Variants in RASAL2 observed in about 807,000 individuals in gnomAD.
The protein encoded by RASAL2 is RAS protein activator like 2.
A neutral mutation model predicts 128.9 loss-of-function variants in RASAL2; 58 were observed. The ratio of observed to expected loss-of-function variants is 0.45; its 90% CI spans 0.36 to 0.56. The LOEUF (loss-of-function observed/expected upper bound fraction) is 0.56. Ranked by LOEUF, RASAL2 falls within the 20% of genes least tolerant of loss-of-function variation. The pLI, the probability that RASAL2 is intolerant of heterozygous loss-of-function variation, is 0.00. For synonymous variants in RASAL2, 561 were observed against 580.8 expected, an observed-to-expected ratio of 0.97 and a Z score of 0.49; for missense variants, 1,360 against 1,601.6, an observed-to-expected ratio of 0.85 and a Z score of 2.57.
intron 1 of RASAL2, among the ~76,000 whole-genome samples, chr1:178,205,966 C>T (rs1316588375): frequency 6.6e-6 from 1 of 152,112 alleles, no homozygotes; most frequent in Non-Finnish European, 1.5e-5. Flanking sequence ...ACATTACGGA[C>T]CATCCTCTCC....
chr1:178,195,346 A>G (rs895280140), intron 1 of RASAL2, among the ~76,000 whole-genome samples: 5 of 152,218 alleles, frequency 3.3e-5, no homozygotes, highest in Admixed American at 1.3e-4. Context: ...TTGAATAGCT[A>G]ATTGTTAGTG....
intron 11 of RASAL2, among the ~76,000 whole-genome samples, chr1:178,453,398 G>GA (rs199535493): frequency 1.7e-3 from 238 of 136,324 alleles, no homozygotes; most frequent in Middle Eastern, 3.7e-3. Context: ...GTTCCAGAAA[G>GA]AAAAAAAAAA....
chr1:178,373,888 A>G (rs567166045), intron 3 of RASAL2, among the ~76,000 whole-genome samples: 30 of 152,216 alleles, frequency 2.0e-4, no homozygotes, highest in South Asian at 1.2e-3. Context: ...AAAAAAACGC[A>G]AATTTCCATA....
At chr1:178,363,849 C>T (rs1245236341) in intron 3 of RASAL2, among the ~76,000 whole-genome samples, 1 of 152,162 alleles carries the variant, frequency 6.6e-6, no homozygotes, top group Non-Finnish European at 1.5e-5. Flanking sequence ...GTAATCCCAG[C>T]ACTTTGGGAG....
chr1:178,328,299 A>G (rs950216349), intron 3 of RASAL2, among the ~76,000 whole-genome samples: 2 of 152,168 alleles, frequency 1.3e-5, no homozygotes, highest in African/African-American at 2.4e-5. Context: ...GTAGGTGTAT[A>G]TATTTATGGG....
chr1:178,437,736 G>A (rs1295961582), intron 5 of RASAL2, among the ~76,000 whole-genome samples: 1 of 151,850 alleles, frequency 6.6e-6, no homozygotes, highest in Non-Finnish European at 1.5e-5. Context: ...TAGCATATTG[G>A]GAAAGATTAT....
chr1:178,144,872 G>C (rs1362402942), intron 1 of RASAL2, among the ~76,000 whole-genome samples: 2 of 152,118 alleles, frequency 1.3e-5, no homozygotes, highest in Non-Finnish European at 2.9e-5. Flanking sequence ...AAAATTTAGT[G>C]CTTCTTCACA....
At chr1:178,111,385 G>A (rs539121900) in intron 1 of RASAL2, among the ~76,000 whole-genome samples, 3 of 151,994 alleles carry the variant, frequency 2.0e-5, no homozygotes, top group African/African-American at 7.2e-5. Context: ...CTAGGATTAC[G>A]TGCATGAGCC....
intron 1 of RASAL2, among the ~76,000 whole-genome samples, chr1:178,272,144 T>C (rs1408491788): frequency 6.6e-6 from 1 of 152,226 alleles, no homozygotes; most frequent in Non-Finnish European, 1.5e-5. Context: ...ATTAAGTTGA[T>C]GTTCCACAAG....
At chr1:178,443,345 CAAG>C (rs1676800614) in intron 8 of RASAL2, 116 bp downstream of exon 8, 4 of 964,136 alleles carry the variant, frequency 4.1e-6, no homozygotes, top group Admixed American at 3.0e-5. Flanking sequence ...TTGGTCAAAA[CAAG>C]AAGAATTAAG....
At chr1:178,151,755 G>C (rs1660922265) in intron 1 of RASAL2, among the ~76,000 whole-genome samples, 1 of 152,212 alleles carries the variant, frequency 6.6e-6, no homozygotes, top group African/African-American at 2.4e-5. Context: ...GGATGGTGAT[G>C]ATTTGTGCTT....
chr1:178,421,374 G>A (rs913818158), intron 5 of RASAL2, among the ~76,000 whole-genome samples: 1 of 152,008 alleles, frequency 6.6e-6, no homozygotes, highest in Non-Finnish European at 1.5e-5. Flanking sequence ...TCTCGATAAT[G>A]TTCAAAATTT....
intron 17 of RASAL2, chr1:178,470,623 CT>C (rs1413474787): frequency 1.6e-6 from 2 of 1,238,764 alleles, no homozygotes; most frequent in Non-Finnish European, 2.2e-6. Context: ...GAAGGGCTTC[CT>C]CCTATGAGAA....
Position 178,399,374 on chromosome 1 carries a change from C to T in RASAL2, c.564+9168C>T, listed in dbSNP as rs558962207. Among the ~76,000 whole-genome samples, 707 of 100,092 alleles carry T rather than the reference C, an allele frequency of 7.1e-3. 6 individuals carry two copies. The highest frequency in any genetic ancestry group is 0.022 in the African/African-American group (579 of 26,352). 65.7% of individuals were successfully genotyped at this position (100,092 alleles called of 152,430 possible). A position where few individuals can be genotyped will look rare whatever the true frequency, so the allele number is the denominator to read the frequency against. On this transcript the variant is annotated intron_variant, in intron 4 of 17. Transcript: ENST00000367649. Reference sequence around the variant, plus strand: ...GAAACCACAACTGTGTTTGGGTGGGCGGGGGAGGGGCAGGGGAGTGAAGGG... The same window carrying T: ...GAAACCACAACTGTGTTTGGGTGGGTGGGGGAGGGGCAGGGGAGTGAAGGG...
At chr1:178,408,577 G>GT (rs1286002162) in intron 4 of RASAL2, among the ~76,000 whole-genome samples, 8 of 144,778 alleles carry the variant, frequency 5.5e-5, no homozygotes, top group Admixed American at 2.0e-4. Context: ...TGTTTTTTAG[G>GT]TTTTTTGTTG....
Position 178,442,852 on chromosome 1 carries a change from C to T in RASAL2, c.1105C>T (p.Leu369Phe). ...GGGCGAACATTTTGAATTCTTCAGC[C>T]TTCCACCTCTTCATAGTATCACAGT... Reference protein sequence around the residue: ...FWGEHFEFFSLPPLHSITVHI... With the variant: ...FWGEHFEFFSFPPLHSITVHI... Residue 369 changes from leucine (L) to phenylalanine (F), a missense_variant, in exon 8 of 18, where the codon CTT becomes TTT. Around this residue, in one of 3 missense-constraint regions of RASAL2, gnomAD observed 617 missense variants for 714.2 expected, o/e 0.86. Transcript: ENST00000367649. The T allele has an allele frequency of 6.2e-7, 1 of 1,613,930 alleles. No homozygotes were observed. Among genetic ancestry groups the T allele is most frequent in the Non-Finnish European group, 8.5e-7 (1 of 1,179,932 alleles).
At chr1:178,177,297 G>A (rs1295747207) in intron 1 of RASAL2, among the ~76,000 whole-genome samples, 2 of 152,088 alleles carry the variant, frequency 1.3e-5, no homozygotes, top group African/African-American at 4.8e-5. Context: ...ATCTTGAATT[G>A]CATCTGATGT....
In RASAL2 at chr1:178,443,244, G is replaced by A. The variant is rs1378323933; in HGVS notation, c.1482+15G>A. ...GCAGAGCCAAGGTAAGTGGAAAAGG[G>A]GGATTGCAGTACCTGAAGTCTCTTC... On this transcript the variant is annotated intron_variant, in intron 8 of 17. Transcript: ENST00000367649. 6.4e-7 allele frequency: 1 copy of A among 1,574,606 alleles called. No individual in the cohort carries two copies. The highest frequency in any genetic ancestry group is 8.7e-7 in the Non-Finnish European group (1 of 1,149,680).
intron 4 of RASAL2, among the ~76,000 whole-genome samples, chr1:178,410,403 C>G (rs1175471269): frequency 6.6e-6 from 1 of 152,030 alleles, no homozygotes; most frequent in Non-Finnish European, 1.5e-5. Flanking sequence ...CATCTAAGAC[C>G]TGAAACCATA....
Sources: gnomAD v4.1 joint callset for allele counts (sites outside exome capture counted in the v4.1 genomes callset) on GRCh38, gnomAD v4.1.1 for gene constraint, gnomAD v4.1.1 regional missense constraint, MANE v1.5 for transcripts, NCBI Gene and HGNC (gene_info 2026-07-23, HGNC 2026-07-21) for gene names.